The following LPGAT1 variants were observed in gnomAD, a reference collection of about 807,000 sequenced individuals.
LPGAT1 encodes the protein lysophosphatidylglycerol acyltransferase 1.
Under a neutral mutation model 47.5 loss-of-function variants are expected in LPGAT1, and 11 were observed. That is an observed-to-expected ratio of 0.23 (90% CI 0.15 to 0.38). LPGAT1 has a LOEUF of 0.38. Ranked by LOEUF, LPGAT1 falls within the 10% of genes least tolerant of loss-of-function variation. LPGAT1 has a pLI of 1.00. For missense variants in LPGAT1, 293 were observed against 439.0 expected (o/e 0.67, Z 2.97); for synonymous variants, 138 against 144.2 (o/e 0.96, Z 0.31).
chr1:211,786,185 T>C (rs901864980), intron 4 of LPGAT1, among the ~76,000 whole-genome samples: 1 of 152,230 alleles, frequency 6.6e-6, no homozygotes, highest in Non-Finnish European at 1.5e-5. Flanking sequence ...TTTGTTTCTC[T>C]GCTCAGAAGA....
chr1:211,768,191 T>C (rs953012104), intron 6 of LPGAT1, among the ~76,000 whole-genome samples: 1 of 152,214 alleles, frequency 6.6e-6, no homozygotes, highest in Non-Finnish European at 1.5e-5. Context: ...GAAAAACCTA[T>C]TTAGTATCTT....
At chr1:211,829,657 C>G (rs1660657736) in intron 1 of LPGAT1, 18 of 1,080,194 alleles carry the variant, frequency 1.7e-5, no homozygotes, top group Non-Finnish European at 2.0e-5. Flanking sequence ...AATAGATCCA[C>G]TCGCTTCAGA....
chr1:211,749,928 T>A lies in LPGAT1; in HGVS notation c.1084A>T (p.Ile362Phe). The A allele has an allele frequency of 6.2e-7, 1 of 1,614,054 alleles. No individual in the cohort carries two copies. Among genetic ancestry groups the A allele is most frequent in the Non-Finnish European group, 8.5e-7 (1 of 1,179,950 alleles). Residue 362 changes from isoleucine to phenylalanine, a missense_variant, in exon 8 of 8, where the codon ATT becomes TTT. Coordinates refer to ENST00000366997, the MANE Select transcript of LPGAT1 (RefSeq NM_014873.3). ...FLSGYMWYNI[I>F]QYFYHCLF ...AACAGGCAATGGTAAAAATACTGAA[T>A]GATGTTGTACCACATATAGCCTGAC...
intron 4 of LPGAT1, among the ~76,000 whole-genome samples, chr1:211,785,966 C>A (rs1658862300): frequency 6.6e-6 from 1 of 152,054 alleles, no homozygotes; most frequent in Non-Finnish European, 1.5e-5. Context: ...ACTGTAAATT[C>A]AATTATTTCC....
At chr1:211,807,884 A>T (rs1228968450) in intron 2 of LPGAT1, among the ~76,000 whole-genome samples, 2 of 152,104 alleles carry the variant, frequency 1.3e-5, no homozygotes, top group Non-Finnish European at 2.9e-5. Flanking sequence ...AAATAACATC[A>T]ATGAACTGGG....
intron 2 of LPGAT1, among the ~76,000 whole-genome samples, chr1:211,803,408 G>A (rs1659645875): frequency 6.6e-6 from 1 of 152,214 alleles, no homozygotes; most frequent in Non-Finnish European, 1.5e-5. Context: ...ACCAGGCTTA[G>A]TGGATAACCA....
chr1:211,814,481 G>C (rs1268217245), intron 2 of LPGAT1, among the ~76,000 whole-genome samples: 1 of 152,258 alleles, frequency 6.6e-6, no homozygotes, highest in African/African-American at 2.4e-5. Context: ...AGATCCATGG[G>C]GGCTCTGGAC....
rs200758825 is a variant in LPGAT1 at position 211,749,828 on chromosome 1, T to G, written c.*71A>C. The stretch of plus-strand genomic sequence containing the variant: ...TTTTAAATATATTCTGATTTGCACA[T>G]GTAAAATAATGCACACTTATGAAAG... On this transcript the variant is annotated 3_prime_UTR_variant, in exon 8 of 8. Coordinates refer to ENST00000366997, the MANE Select transcript of LPGAT1 (RefSeq NM_014873.3). 2,735 of 1,445,770 alleles carry G rather than the reference T, an allele frequency of 1.9e-3. 28 individuals carry two copies. The highest frequency in any genetic ancestry group is 0.013 in the Middle Eastern group (70 of 5,236). The allele number at this position is 1,445,770 out of a possible 1,614,324, so 89.6% of individuals were successfully genotyped here. A position where few individuals can be genotyped will look rare whatever the true frequency, so the allele number is the denominator to read the frequency against.
intron 2 of LPGAT1, among the ~76,000 whole-genome samples, chr1:211,824,353 G>GAGC (rs1335225905): frequency 6.6e-6 from 1 of 152,130 alleles, no homozygotes; most frequent in African/African-American, 2.4e-5. Flanking sequence ...CCAAGACTGT[G>GAGC]CCACTGTACT....
chr1:211,760,943 T>G (rs986475176), intron 6 of LPGAT1, among the ~76,000 whole-genome samples: 3 of 152,230 alleles, frequency 2.0e-5, no homozygotes, highest in African/African-American at 4.8e-5. Context: ...AAAATCAGAT[T>G]TTTCTTAAGT....
intron 2 of LPGAT1, among the ~76,000 whole-genome samples, chr1:211,825,508 G>A (rs1660518669): frequency 1.3e-5 from 2 of 152,100 alleles, no homozygotes; most frequent in East Asian, 1.9e-4. Flanking sequence ...ACTCCGGGGG[G>A]TGGGGTACTG....
intron 6 of LPGAT1, among the ~76,000 whole-genome samples, chr1:211,765,177 T>C (rs949004478): frequency 2.0e-5 from 3 of 152,228 alleles, no homozygotes; most frequent in African/African-American, 7.2e-5. Flanking sequence ...TTTTAAACTT[T>C]TTATTTTGAA....
At position 211,787,744 on chromosome 1, in the gene LPGAT1, CA is replaced by C; in HGVS notation, c.358-18del. 1 of 1,500,408 alleles carries C rather than the reference CA, an allele frequency of 6.7e-7. No individual in the cohort carries two copies. The highest frequency in any genetic ancestry group is 1.2e-5 in the South Asian group (1 of 85,254). 92.9% of individuals were successfully genotyped at this position (1,500,408 alleles called of 1,614,324 possible). ...AGCAACAACCTAAAATATTTAAAAG[CA>C]AGAAATAATATTGGATAGAAGAAAC... On this transcript the variant is annotated intron_variant, in intron 3 of 7. Coordinates refer to ENST00000366997, the MANE Select transcript of LPGAT1 (RefSeq NM_014873.3).
intron 6 of LPGAT1, among the ~76,000 whole-genome samples, chr1:211,770,295 T>C (rs927903380): frequency 6.6e-6 from 1 of 152,206 alleles, no homozygotes; most frequent in African/African-American, 2.4e-5. Flanking sequence ...CATCGATTTG[T>C]GTGTGTTAAT....
At chr1:211,813,737 C>T (rs529879927) in intron 2 of LPGAT1, among the ~76,000 whole-genome samples, 1 of 152,298 alleles carries the variant, frequency 6.6e-6, no homozygotes, top group South Asian at 2.1e-4. Flanking sequence ...TGCAAATGTT[C>T]ATCTGTACAA....
Position 211,783,375 on chromosome 1 carries a change from G to C in LPGAT1, c.581C>G (p.Thr194Arg). The change falls in exon 5 of 8, where the codon ACA (threonine) becomes AGA (arginine). Residue 194 changes from threonine to arginine, a missense_variant. Coordinates refer to ENST00000366997, the MANE Select transcript of LPGAT1 (RefSeq NM_014873.3). ...ATTTTTCTTGGCAAATGCCTGACTT[G>C]TTTCTCGCCTCTTCCTGAGGAAGCC... is the stretch of plus-strand genomic sequence containing the variant. ...EGGFLRKRRETSQAFAKKNNL... is the reference protein window; with the variant it reads ...EGGFLRKRRERSQAFAKKNNL... 1 of 1,614,118 alleles carries C rather than the reference G, an allele frequency of 6.2e-7. No homozygotes were observed. The highest frequency in any genetic ancestry group is 8.5e-7 in the Non-Finnish European group (1 of 1,180,010).
intron 2 of LPGAT1, among the ~76,000 whole-genome samples, chr1:211,797,311 C>CTTTTTTT (rs200601647): frequency 2.1e-4 from 26 of 122,606 alleles, no homozygotes; most frequent in Non-Finnish European, 3.2e-4. Flanking sequence ...CTTTCCTTTT[C>CTTTTTTT]TTTTTTTTTT....
chr1:211,755,712 GA>G (rs1203312776), intron 6 of LPGAT1, among the ~76,000 whole-genome samples: 1 of 148,228 alleles, frequency 6.7e-6, no homozygotes, highest in Non-Finnish European at 1.5e-5. Context: ...AAAAAAAAAA[GA>G]ACTCACATGC....
intron 6 of LPGAT1, among the ~76,000 whole-genome samples, chr1:211,777,513 C>T (rs970740097): frequency 6.6e-6 from 1 of 152,006 alleles, no homozygotes; most frequent in Non-Finnish European, 1.5e-5. Context: ...ATGCTTCATA[C>T]AGATACCTGT....
Sources: gnomAD v4.1 joint callset for allele counts (sites outside exome capture counted in the v4.1 genomes callset) on GRCh38, gnomAD v4.1.1 for gene constraint, MANE v1.5 for transcripts, NCBI Gene and HGNC (gene_info 2026-07-23, HGNC 2026-07-21) for gene names.